The following EXT1 variants were observed in gnomAD, a reference collection of about 807,000 sequenced individuals.
EXT1 encodes exostosin glycosyltransferase 1.
EXT1 carries 20 observed loss-of-function variants against 82.5 expected under a neutral mutation model. The ratio of observed to expected loss-of-function variants is 0.24; its 90% confidence interval spans 0.17 to 0.35. The LOEUF (loss-of-function observed/expected upper bound fraction) is 0.35, where lower values mean the gene tolerates loss of function less well. EXT1 is among the 10% of genes least tolerant of loss of function. EXT1 has a pLI of 1.00. For synonymous variants in EXT1, 348 were observed against 350.8 expected (o/e 0.99, Z 0.09); for missense variants, 757 against 936.5 (o/e 0.81, Z 2.50).
In EXT1 at chr8:118,062,911, C is replaced by T. The variant is rs539424451; in HGVS notation, c.962+47174G>A. 3.3e-5 allele frequency among the ~76,000 whole-genome samples: 5 copies of T among 152,334 alleles called. 1 individual carries two copies. Among genetic ancestry groups the T allele is most frequent in the African/African-American group, 1.2e-4 (5 of 41,580 alleles). ...TTCCCTTCATTTCCCTCAAACACCT[C>T]ATAACTATGACTAGGTCACTATAAA... On this transcript the variant is annotated intron_variant, in intron 1 of 10. Coordinates refer to ENST00000378204, the MANE Select transcript of EXT1 (RefSeq NM_000127.3).
intron 1 of EXT1, among the ~76,000 whole-genome samples, chr8:117,963,081 C>G (rs1814734863): frequency 6.6e-6 from 1 of 152,210 alleles, no homozygotes; most frequent in African/African-American, 2.4e-5. Flanking sequence ...CCCATCCCAT[C>G]CCATCCAATA....
intron 1 of EXT1, among the ~76,000 whole-genome samples, chr8:117,978,242 C>G (rs1266827847): frequency 6.6e-6 from 1 of 152,202 alleles, no homozygotes; most frequent in African/African-American, 2.4e-5. Context: ...ATGTGAATGT[C>G]TGGCAAACTT....
chr8:117,972,793 G>A (rs577850580), intron 1 of EXT1, among the ~76,000 whole-genome samples: 85 of 152,280 alleles, frequency 5.6e-4, no homozygotes, highest in Non-Finnish European at 9.3e-4. Context: ...AGTGCAGAGT[G>A]AAGAGGGGCA....
chr8:117,922,904 A>C (rs1247598179), intron 1 of EXT1, among the ~76,000 whole-genome samples: 1 of 152,234 alleles, frequency 6.6e-6, no homozygotes, highest in Non-Finnish European at 1.5e-5. Flanking sequence ...CATGGGCTAA[A>C]GAGGCAACCC....
chr8:117,929,526 T>C (rs1190829279), intron 1 of EXT1, among the ~76,000 whole-genome samples: 2 of 152,208 alleles, frequency 1.3e-5, no homozygotes, highest in African/African-American at 4.8e-5. Flanking sequence ...TATTTTTGAA[T>C]GAATGAACCA....
chr8:117,900,782 C>T (rs1813432252), intron 1 of EXT1, among the ~76,000 whole-genome samples: 1 of 152,148 alleles, frequency 6.6e-6, no homozygotes, highest in African/African-American at 2.4e-5. Flanking sequence ...AATTTGATGG[C>T]TCCTGGGACT....
chr8:118,025,054 A>C (rs561680912), intron 1 of EXT1, among the ~76,000 whole-genome samples: 3 of 152,362 alleles, frequency 2.0e-5, no homozygotes, highest in African/African-American at 7.2e-5. Flanking sequence ...CACTGCAGAT[A>C]GTGGTTGCTT....
At chr8:117,960,843 T>G (rs1362320213) in intron 1 of EXT1, among the ~76,000 whole-genome samples, 1 of 152,136 alleles carries the variant, frequency 6.6e-6, no homozygotes, top group African/African-American at 2.4e-5. Flanking sequence ...TGAGTGTTAG[T>G]GCACTGAAGA....
At chr8:118,048,663 T>C (rs1010680782) in intron 1 of EXT1, among the ~76,000 whole-genome samples, 2 of 152,192 alleles carry the variant, frequency 1.3e-5, no homozygotes, top group Non-Finnish European at 2.9e-5. Context: ...GAACTATGTC[T>C]ACTATAATAT....
intron 1 of EXT1, among the ~76,000 whole-genome samples, chr8:117,915,724 C>T (rs1014231326): frequency 1.1e-4 from 16 of 152,044 alleles, no homozygotes; most frequent in East Asian, 7.7e-4. Flanking sequence ...GGCATGGTGG[C>T]GCATGCCTGT....
At chr8:117,858,225 T>C (rs891922576) in intron 1 of EXT1, among the ~76,000 whole-genome samples, 3 of 152,212 alleles carry the variant, frequency 2.0e-5, no homozygotes, top group East Asian at 1.9e-4. Context: ...GTTGAGAGGA[T>C]TGACTCCAAC....
chr8:118,037,337 G>A (rs1294984914), intron 1 of EXT1, among the ~76,000 whole-genome samples: 8 of 151,360 alleles, frequency 5.3e-5, no homozygotes, highest in African/African-American at 1.9e-4. Context: ...AAATGCCAAT[G>A]TCTGCCCTCG....
intron 1 of EXT1, among the ~76,000 whole-genome samples, chr8:117,847,089 AG>A (rs1812373735): frequency 6.6e-6 from 1 of 152,128 alleles, no homozygotes; most frequent in African/African-American, 2.4e-5. Flanking sequence ...AACTACCTTA[AG>A]GGCCGGCCTA....
Position 117,905,794 on chromosome 8 carries a change from G to C in EXT1, c.963-68593C>G, listed in dbSNP as rs570125432. ...GCCACTGCAGTCCAACCTGGGAGAA[G>C]AGCGAGACTCCGTCTCAAAAAAACA... On this transcript the variant is annotated intron_variant, in intron 1 of 10. Coordinates refer to ENST00000378204, the MANE Select transcript of EXT1 (RefSeq NM_000127.3). Among the ~76,000 whole-genome samples, 7 of 152,326 alleles carry C rather than the reference G, an allele frequency of 4.6e-5. No individual in the cohort carries two copies. The South Asian group carries it at 1.2e-3, about 27-fold the overall frequency.
At position 117,872,625 on chromosome 8, in the gene EXT1, C is replaced by G. The variant is rs190467270; in HGVS notation, c.963-35424G>C. On this transcript the variant is annotated intron_variant, in intron 1 of 10. Transcript: ENST00000378204. ...GTTTGGATAGCTGCTAATTGTGCAG[C>G]ATTAAAGCAAAGCTGATTTTGTTAT... Among the ~76,000 whole-genome samples, 177 of 152,144 alleles carry G rather than the reference C, an allele frequency of 1.2e-3. 1 individual carries two copies. The highest frequency in any genetic ancestry group is 9.8e-3 in the Admixed American group (150 of 15,286).
rs1013305028 is a variant in EXT1 at position 117,854,598 on chromosome 8, T to A, written c.963-17397A>T. On this transcript the variant is annotated intron_variant, in intron 1 of 10. Coordinates refer to ENST00000378204, the MANE Select transcript of EXT1 (RefSeq NM_000127.3). The stretch of plus-strand genomic sequence containing the variant: ...TTGTTGCCAATAATATAAAACATGT[T>A]TATAAAATAATACCTTAGCATGTAG... Among the ~76,000 whole-genome samples the A allele has an allele frequency of 2.0e-5, 3 of 152,200 alleles. No individual in the cohort carries two copies. In the East Asian group the frequency reaches 5.8e-4, roughly 29 times the overall value.
At chr8:117,922,309 CAAACAAAA>C (rs949062927) in intron 1 of EXT1, among the ~76,000 whole-genome samples, 151 of 152,238 alleles carry the variant, frequency 9.9e-4, no homozygotes, top group African/African-American at 3.4e-3. Context: ...AACAAACAAA[CAAACAAAA>C]ACCCTGGCAA....
intron 1 of EXT1, among the ~76,000 whole-genome samples, chr8:117,907,644 A>G (rs1563597538): frequency 6.6e-6 from 1 of 152,230 alleles, no homozygotes; most frequent in African/African-American, 2.4e-5. Context: ...GCTGTTTATT[A>G]TAGCTATCAG....
At chr8:118,012,311 G>C (rs983537341) in intron 1 of EXT1, among the ~76,000 whole-genome samples, 2 of 152,194 alleles carry the variant, frequency 1.3e-5, no homozygotes, top group African/African-American at 2.4e-5. Flanking sequence ...TTTCTTCCAC[G>C]GGGCTAAGGC....
Sources: allele counts gnomAD v4.1 joint callset (sites outside exome capture counted in the v4.1 genomes callset), GRCh38; gene constraint gnomAD v4.1.1; transcripts MANE v1.5; gene names NCBI Gene and HGNC (gene_info 2026-07-23, HGNC 2026-07-21).